Variants in COCH observed in about 807,000 individuals in gnomAD.
The protein encoded by COCH is coagulation factor C homolog, cochlin (Limulus polyphemus).
Under a neutral mutation model 54.8 loss-of-function variants are expected in COCH, and 40 were observed. The ratio of observed to expected loss-of-function variants is 0.73; its 90% CI spans 0.57 to 0.95. The LOEUF (loss-of-function observed/expected upper bound fraction) is 0.95, where lower values mean the gene tolerates loss of function less well. COCH is among the 40% of genes least tolerant of loss of function. The pLI is 0.00. For missense variants in COCH, 605 were observed against 675.0 expected, an observed-to-expected ratio of 0.90 and a Z score of 1.15; for synonymous variants, 256 against 237.9, an observed-to-expected ratio of 1.08 and a Z score of -0.70.
At position 30,875,081 on chromosome 14, in the gene COCH, G is replaced by A. The variant is rs766320448; in HGVS notation, c.60G>A (p.Gly20=). The A allele has an allele frequency of 3.8e-6, 6 of 1,590,572 alleles. No individual in the cohort carries two copies. The African/African-American group carries it at 6.7e-5, about 18-fold the overall frequency. ...GLGVCLLLLP[G]PAGSEGAAPI... ...GTGTGTGTCTGCTGCTGCTGCCGGG[G>A]CCCGCGGGCAGCGAGGGAGCCGGTG... Residue 20 remains glycine (G), a synonymous_variant, in exon 3 of 12, where the codon GGG becomes GGA. Coordinates refer to ENST00000396618, the MANE Select transcript of COCH (RefSeq NM_004086.3).
At chr14:30,888,593 C>A (rs1895871848) in intron 11 of COCH, among the ~76,000 whole-genome samples, 1 of 151,942 alleles carries the variant, frequency 6.6e-6, no homozygotes, top group Non-Finnish European at 1.5e-5. Context: ...ATGAGACCAG[C>A]CTGAACAACA....
intron 3 of COCH, 94 bp downstream of exon 3, chr14:30,875,197 C>A: frequency 6.6e-7 from 1 of 1,508,502 alleles, no homozygotes; most frequent in South Asian, 1.2e-5. Context: ...TGGGCTTCAG[C>A]CCTACCGCCT....
intron 3 of COCH, 75 bp downstream of exon 3, chr14:30,875,178 C>A: frequency 6.5e-7 from 1 of 1,532,264 alleles, no homozygotes; most frequent in Non-Finnish European, 8.8e-7. Context: ...GGACTCAGAT[C>A]CAGCCCCTTG....
At position 30,886,271 on chromosome 14, in the gene COCH, A is replaced by T. The variant is rs757904271; in HGVS notation, c.1436A>T (p.Tyr479Phe). 4.3e-5 allele frequency: 70 copies of T among 1,614,050 alleles called. No individual in the cohort carries two copies. The Admixed American group carries it at 1.1e-3, about 26-fold the overall frequency. The part of the protein sequence containing the change: ...FLVIVTDGQS[Y>F]DDVQGPAAAA... The stretch of plus-strand genomic sequence containing the variant: ...GTAATTGTCACAGATGGGCAGTCCT[A>T]TGATGATGTCCAAGGCCCTGCAGCT... The change falls in exon 11 of 12, where the codon TAT becomes TTT. Residue 479 changes from tyrosine (Y) to phenylalanine (F), a missense_variant. Coordinates refer to ENST00000396618, the MANE Select transcript of COCH (RefSeq NM_004086.3).
downstream of COCH, chr14:30,895,214 T>G: frequency 1.7e-6 from 1 of 595,724 alleles, no homozygotes; most frequent in Non-Finnish European, 2.8e-6. Context: ...TTTTTCTTTG[T>G]CCCACAAAAT....
chr14:30,879,597 C>A, intron 6 of COCH, 112 bp downstream of exon 6: 5 of 1,044,568 alleles, frequency 4.8e-6, no homozygotes, highest in Non-Finnish European at 7.5e-6. Context: ...TAAAGAGAAA[C>A]AAAGCAAATA....
At chr14:30,883,369 TCATA>T (rs1895679756) in intron 8 of COCH, among the ~76,000 whole-genome samples, 1 of 152,246 alleles carries the variant, frequency 6.6e-6, no homozygotes, top group South Asian at 2.1e-4. Flanking sequence ...CCTTGTAGAC[TCATA>T]CAAAGTTTTG....
chr14:30,889,456 T>C, intron 11 of COCH, 160 bp from the exon 12 acceptor site: 1 of 664,548 alleles, frequency 1.5e-6, no homozygotes, highest in Admixed American at 2.5e-5. Flanking sequence ...CTCGTCACAA[T>C]GACTGTGAAA....
rs1389680320 is a variant in COCH, at chr14:30,884,594, C to A, written c.671C>A (p.Ser224Ter). The change falls in exon 9 of 12, where the codon TCA (serine) becomes TAA (stop). Residue 224 changes from serine to a stop codon, truncating the protein, a stop_gained. Transcript: ENST00000396618. LOFTEE classifies it high-confidence loss of function. ...KIEFYLKNFT[S>*]AKDVLFAIKE... Reference sequence around the variant, plus strand: ...GAATTTTACTTGAAAAACTTTACATCAGCCAAAGATGTTTTGTTTGCCATA... The same window carrying A: ...GAATTTTACTTGAAAAACTTTACATAAGCCAAAGATGTTTTGTTTGCCATA... 6.2e-7 allele frequency: 1 copy of A among 1,613,738 alleles called. No individual in the cohort carries two copies. Among genetic ancestry groups the A allele is most frequent in the East Asian group, 2.2e-5 (1 of 44,798 alleles).
Position 30,879,418 on chromosome 14 carries a change from A to G in COCH, c.374-5A>G. 1 of 1,613,888 alleles carries G rather than the reference A, an allele frequency of 6.2e-7. No homozygotes were observed. Among genetic ancestry groups the G allele is most frequent in the Non-Finnish European group, 8.5e-7 (1 of 1,179,828 alleles). On this transcript the variant is annotated splice_region_variant and splice_polypyrimidine_tract_variant and intron_variant, in intron 5 of 11. Transcript: ENST00000396618. ...AAAAAAATAAGCTTATTTTTATTTT[A>G]ACAGAAGGCAAAAGTAGTACACAGG... is the stretch of plus-strand genomic sequence containing the variant.
In COCH at chr14:30,884,603, A is replaced by T. The variant is rs1895717295; in HGVS notation, c.680A>T (p.Asp227Val). ...TTGAAAAACTTTACATCAGCCAAAG[A>T]TGTTTTGTTTGCCATAAAGGAAGTA... ...FYLKNFTSAK[D>V]VLFAIKEVGF... is the part of the protein sequence containing the mutation. Residue 227 changes from aspartate to valine, a missense_variant, in exon 9 of 12, where the codon GAT (aspartate) becomes GTT (valine). Coordinates refer to ENST00000396618, the MANE Select transcript of COCH (RefSeq NM_004086.3). 1.2e-6 allele frequency: 2 copies of T among 1,613,848 alleles called. No individual in the cohort carries two copies. Among genetic ancestry groups the T allele is most frequent in the East Asian group, 2.2e-5 (1 of 44,798 alleles).
At chr14:30,888,016 T>C (rs903541514) in intron 11 of COCH, among the ~76,000 whole-genome samples, 8 of 152,154 alleles carry the variant, frequency 5.3e-5, no homozygotes, top group African/African-American at 1.2e-4. Context: ...CTTAGTGATA[T>C]TGAAAGTTGC....
At position 30,886,211 on chromosome 14, in the gene COCH, G is replaced by C; in HGVS notation, c.1376G>C (p.Gly459Ala). 1 of 1,612,002 alleles carries C rather than the reference G, an allele frequency of 6.2e-7. No individual in the cohort carries two copies. The highest frequency in any genetic ancestry group is 8.5e-7 in the Non-Finnish European group (1 of 1,178,704). The change falls in exon 11 of 12, where the codon GGC becomes GCC. Residue 459 changes from glycine (G) to alanine (A), a missense_variant. Coordinates refer to ENST00000396618, the MANE Select transcript of COCH (RefSeq NM_004086.3). The part of the protein sequence containing the change: ...AISFTVRNVF[G>A]PIRESPNKNF... ...TCCTTCACTGTTAGAAATGTGTTTGGCCCTATAAGGGAGAGCCCCAACAAG... is the reference window on the plus strand; with the variant it reads ...TCCTTCACTGTTAGAAATGTGTTTGCCCCTATAAGGGAGAGCCCCAACAAG...
chr14:30,881,226 A>G (rs1175392316), intron 8 of COCH, among the ~76,000 whole-genome samples: 4 of 151,928 alleles, frequency 2.6e-5, no homozygotes, highest in African/African-American at 7.2e-5. Flanking sequence ...AAAAAAAAAA[A>G]AAAAGAAAAA....
rs61175020 is a variant in COCH at position 30,882,120 on chromosome 14, G to GTTTTTTTT, written c.629+1406_629+1413dup. On this transcript the variant is annotated intron_variant, in intron 8 of 11. Coordinates refer to ENST00000396618, the MANE Select transcript of COCH (RefSeq NM_004086.3). ...CCCTAGAGATAATCACTATAAAATG[G>GTTTTTTTT]TTTTTTTTTTTTTTTTTTTTTTTTT... Among the ~76,000 whole-genome samples the GTTTTTTTT allele has an allele frequency of 6.4e-3, 432 of 67,896 alleles. 70 individuals carry two copies. The highest frequency in any genetic ancestry group is 0.022 in the Middle Eastern group (2 of 90). 44.5% of individuals were successfully genotyped at this position (67,896 alleles called of 152,430 possible). A position where few individuals can be genotyped will look rare whatever the true frequency, so the allele number is the denominator to read the frequency against.
At chr14:30,895,289 C>G, downstream of COCH, 1 of 969,396 alleles carries the variant, frequency 1.0e-6, no homozygotes, top group Non-Finnish European at 1.5e-6. Context: ...TTTGTGCCTG[C>G]CCCAGATAGC....
At chr14:30,876,175 C>T (rs1348303398) in intron 3 of COCH, 2 of 152,220 alleles carry the variant, frequency 1.3e-5, no homozygotes, top group Non-Finnish European at 2.9e-5. Flanking sequence ...TGGATAACTA[C>T]AACTTCCCAT....
At chr14:30,881,564 C>T (rs1041060805) in intron 8 of COCH, among the ~76,000 whole-genome samples, 1 of 152,222 alleles carries the variant, frequency 6.6e-6, no homozygotes, top group East Asian at 1.9e-4. Context: ...AGTGATATGT[C>T]TATTCCACCT....
Position 30,882,221 on chromosome 14 carries a change from C to A in COCH, c.629+1487C>A, listed in dbSNP as rs528377495. 3.1e-4 allele frequency among the ~76,000 whole-genome samples: 43 copies of A among 139,224 alleles called. 1 individual carries two copies. The South Asian group carries it at 9.8e-3, about 32-fold the overall frequency. 91.3% of individuals were successfully genotyped at this position (139,224 alleles called of 152,430 possible). A position where few individuals can be genotyped will look rare whatever the true frequency, so the allele number is the denominator to read the frequency against. Reference sequence around the variant, plus strand: ...CTTTGTTCACTACAACCTCTGCCTCCTGGATTTAAGTGATTCTCCTGCCTC... The same window carrying A: ...CTTTGTTCACTACAACCTCTGCCTCATGGATTTAAGTGATTCTCCTGCCTC... On this transcript the variant is annotated intron_variant, in intron 8 of 11. Coordinates refer to ENST00000396618, the MANE Select transcript of COCH (RefSeq NM_004086.3).
Sources: gnomAD v4.1 joint callset for allele counts (sites outside exome capture counted in the v4.1 genomes callset) on GRCh38, gnomAD v4.1.1 for gene constraint, MANE v1.5 for transcripts, NCBI Gene and HGNC (gene_info 2026-07-23, HGNC 2026-07-21) for gene names.